MICAL3: variants seen among roughly 807,000 people sequenced by gnomAD.
The protein encoded by MICAL3 is microtubule associated monooxygenase, calponin and LIM domain containing 3.
In MICAL3, 62 loss-of-function variants were observed where a neutral mutation model predicts 207.4. The ratio of observed to expected loss-of-function variants is 0.30; its 90% CI spans 0.24 to 0.37. The LOEUF (loss-of-function observed/expected upper bound fraction) is 0.37, where lower values mean the gene tolerates loss of function less well. Ranked by LOEUF, MICAL3 falls within the 10% of genes least tolerant of loss-of-function variation. MICAL3 has a pLI of 1.00. For synonymous variants in MICAL3, 1,077 were observed against 1,069.3 expected (o/e 1.01, Z -0.14); for missense variants, 2,368 against 2,635.6 (o/e 0.90, Z 2.22).
chr22:17,833,896 C>A (rs1419171929), intron 20 of MICAL3, among the ~76,000 whole-genome samples: 1 of 152,168 alleles, frequency 6.6e-6, no homozygotes, highest in Admixed American at 6.6e-5. Flanking sequence ...ACAGTGAGCA[C>A]AATGGAAGCT....
At chr22:17,795,277 G>A (rs144648381) in intron 29 of MICAL3, among the ~76,000 whole-genome samples, 263 of 152,300 alleles carry the variant, frequency 1.7e-3, no homozygotes, top group African/African-American at 5.9e-3. Flanking sequence ...AGTCAACCTC[G>A]GCTTCAAAGT....
chr22:17,915,144 C>T (rs140347864), intron 1 of MICAL3, among the ~76,000 whole-genome samples: 3 of 152,350 alleles, frequency 2.0e-5, no homozygotes, highest in East Asian at 3.9e-4. Context: ...GGAATCCAAT[C>T]TATAACGTCG....
At position 17,816,671 on chromosome 22, in the gene MICAL3, C is replaced by T. The variant is rs1420554913; in HGVS notation, c.5445+19G>A. On this transcript the variant is annotated intron_variant, in intron 27 of 31. Transcript: ENST00000441493. ...GACAGGGCCCCAGGCCCTGTGAAGC[C>T]CCCTGCCTGACTACCCACCTCTCGC... The T allele has an allele frequency of 6.5e-7, 1 of 1,539,648 alleles. No homozygotes were observed. Among genetic ancestry groups the T allele is most frequent in the African/African-American group, 1.4e-5 (1 of 72,862 alleles).
At chr22:17,853,579 G>A (rs546819927) in intron 19 of MICAL3, among the ~76,000 whole-genome samples, 219 of 152,268 alleles carry the variant, frequency 1.4e-3, no homozygotes, top group Non-Finnish European at 2.6e-3. Context: ...TAACTTATGC[G>A]CTCTTCACAA....
chr22:17,920,944 C>T (rs1050201327), intron 1 of MICAL3, among the ~76,000 whole-genome samples: 2 of 152,142 alleles, frequency 1.3e-5, no homozygotes, highest in Non-Finnish European at 2.9e-5. Flanking sequence ...AAAAGCCAAG[C>T]TGGGAAAGGG....
intron 11 of MICAL3, among the ~76,000 whole-genome samples, chr22:17,892,648 C>T (rs1930484003): frequency 6.6e-6 from 1 of 152,180 alleles, no homozygotes; most frequent in South Asian, 2.1e-4. Flanking sequence ...TAACAGGCAA[C>T]TTCAATATTC....
intron 17 of MICAL3, among the ~76,000 whole-genome samples, chr22:17,871,559 C>T (rs964403923): frequency 2.0e-5 from 3 of 152,220 alleles, no homozygotes; most frequent in Non-Finnish European, 4.4e-5. Flanking sequence ...CAAGTTCCCA[C>T]CCCGAGGTCA....
At chr22:17,852,978 G>A (rs1044284084) in intron 19 of MICAL3, among the ~76,000 whole-genome samples, 1 of 152,020 alleles carries the variant, frequency 6.6e-6, no homozygotes, top group African/African-American at 2.4e-5. Context: ...AGGAGACTGG[G>A]GCAGGAGAAT....
At chr22:17,846,745 C>A (rs1240513758) in intron 19 of MICAL3, among the ~76,000 whole-genome samples, 1 of 152,232 alleles carries the variant, frequency 6.6e-6, no homozygotes, top group Non-Finnish European at 1.5e-5. Context: ...GACTTTCCAG[C>A]TTAAAGCGGG....
At chr22:17,891,705 G>C in intron 11 of MICAL3, 73 bp from the exon 12 acceptor site, 2 of 1,460,522 alleles carry the variant, frequency 1.4e-6, no homozygotes, top group Non-Finnish European at 1.9e-6. Flanking sequence ...CTCTTTGTAG[G>C]ACACATGTCC....
intron 1 of MICAL3, among the ~76,000 whole-genome samples, chr22:17,976,796 T>C (rs946892407): frequency 6.7e-5 from 10 of 149,446 alleles, no homozygotes; most frequent in African/African-American, 9.9e-5. Context: ...ACTACTTAGT[T>C]CTAGAGACTT....
Position 17,818,382 on chromosome 22 carries a change from C to T in MICAL3, c.4279G>A (p.Gly1427Ser). The T allele has an allele frequency of 6.2e-7, 1 of 1,608,750 alleles. No homozygotes were observed. The highest frequency in any genetic ancestry group is 8.5e-7 in the Non-Finnish European group (1 of 1,179,034). Residue 1427 changes from glycine (G) to serine (S), a missense_variant, in exon 26 of 32, where the codon GGC becomes AGC. Transcript: ENST00000441493. The part of the protein sequence containing the change: ...EERRELSSSS[G>S]LGLHGSSSNM... ...GAGGAGCTCCCGTGCAGGCCCAGGC[C>T]AGAGCTGCTGGACAGCTCCCTGCGC...
intron 1 of MICAL3, among the ~76,000 whole-genome samples, chr22:17,972,337 T>C (rs1218997808): frequency 6.6e-6 from 1 of 152,168 alleles, no homozygotes; most frequent in East Asian, 1.9e-4. Context: ...GGGGAAATAA[T>C]TCCCAGGTAA....
At position 17,868,784 on chromosome 22, in the gene MICAL3, C is replaced by T. The variant is rs191737182; in HGVS notation, c.2429-2772G>A. Among the ~76,000 whole-genome samples, 34 of 152,178 alleles carry T rather than the reference C, an allele frequency of 2.2e-4. No individual in the cohort carries two copies. In the East Asian group the frequency reaches 6.2e-3, roughly 28 times the overall value. The stretch of plus-strand genomic sequence containing the variant: ...GTTCATTCATTCATTCACCCAGGCC[C>T]GAGTGCCACTGTATGACAGCTACCA... On this transcript the variant is annotated intron_variant, in intron 17 of 31. Transcript: ENST00000441493.
At chr22:17,799,295 T>A (rs920380158) in intron 29 of MICAL3, among the ~76,000 whole-genome samples, 2 of 152,128 alleles carry the variant, frequency 1.3e-5, no homozygotes, top group Non-Finnish European at 2.9e-5. Flanking sequence ...GGCAGGAGAA[T>A]TGCTTGAACC....
At chr22:18,021,086 T>G (rs1042818432) in intron 1 of MICAL3, among the ~76,000 whole-genome samples, 1 of 152,342 alleles carries the variant, frequency 6.6e-6, no homozygotes, top group African/African-American at 2.4e-5. Context: ...ACTCTGAGTT[T>G]AGGTAGCACC....
chr22:17,930,106 CATA>C (rs1569136719), intron 1 of MICAL3, among the ~76,000 whole-genome samples: 1 of 152,140 alleles, frequency 6.6e-6, no homozygotes, highest in Non-Finnish European at 1.5e-5. Flanking sequence ...CCATCAAAAC[CATA>C]ATGAGATCCT....
At chr22:17,907,558 A>T (rs1398116427) in intron 1 of MICAL3, among the ~76,000 whole-genome samples, 1 of 152,184 alleles carries the variant, frequency 6.6e-6, no homozygotes, top group Non-Finnish European at 1.5e-5. Context: ...GGGGACGCAG[A>T]TCCAGATTTG....
At chr22:17,884,122 T>A (rs573663082) in intron 16 of MICAL3, among the ~76,000 whole-genome samples, 1 of 152,250 alleles carries the variant, frequency 6.6e-6, no homozygotes, top group African/African-American at 2.4e-5. Context: ...GCCTGTTCAA[T>A]GTTTTCCCAG....
Sources: allele counts gnomAD v4.1 joint callset (sites outside exome capture counted in the v4.1 genomes callset), GRCh38; gene constraint gnomAD v4.1.1; transcripts MANE v1.5; gene names NCBI Gene and HGNC (gene_info 2026-07-23, HGNC 2026-07-21).